Variants in EXD2 observed in about 807,000 individuals in gnomAD.
EXD2 encodes the protein exonuclease 3'-5' domain containing 2.
In EXD2, 40 loss-of-function variants were observed where a neutral mutation model predicts 62.5. That is an observed-to-expected ratio of 0.64 (90% CI 0.50 to 0.83). The LOEUF (loss-of-function observed/expected upper bound fraction) is 0.83, where lower values mean the gene tolerates loss of function less well. Ranked by LOEUF, EXD2 falls within the 40% of genes least tolerant of loss-of-function variation. The probability of loss-of-function intolerance (pLI) is 0.00; values close to 1 mark genes in which losing one functional copy is unlikely to be tolerated. For missense variants in EXD2, 671 were observed against 761.8 expected, an observed-to-expected ratio of 0.88 and a Z score of 1.40; for synonymous variants, 239 against 291.9, an observed-to-expected ratio of 0.82 and a Z score of 1.85.
At chr14:69,236,019 T>G in intron 6 of EXD2, 27 bp from the exon 7 acceptor site, 89 of 1,569,264 alleles carry the variant, frequency 5.7e-5, no homozygotes, top group Non-Finnish European at 7.5e-5. Context: ...GCTTCCGGTT[T>G]GAGATTTCTC....
At chr14:69,226,945 T>A (rs2043385468) in intron 3 of EXD2, among the ~76,000 whole-genome samples, 1 of 152,138 alleles carries the variant, frequency 6.6e-6, no homozygotes. Context: ...GAGCTTGTGT[T>A]TATGTGTATC....
chr14:69,230,208 C>T (rs1454098641), intron 4 of EXD2, among the ~76,000 whole-genome samples: 1 of 152,186 alleles, frequency 6.6e-6, no homozygotes, highest in Non-Finnish European at 1.5e-5. Context: ...AGTACTAAGC[C>T]TCTCTGTTCC....
At chr14:69,228,388 C>T (rs751686929) in intron 3 of EXD2, among the ~76,000 whole-genome samples, 3 of 152,186 alleles carry the variant, frequency 2.0e-5, no homozygotes, top group Non-Finnish European at 4.4e-5. Context: ...GACGGGGTTT[C>T]ACCATGTTGG....
In EXD2 at chr14:69,217,578, T is replaced by C. The variant is rs11846528; in HGVS notation, c.333+7775T>C. Among the ~76,000 whole-genome samples, 149 of 152,270 alleles carry C rather than the reference T, an allele frequency of 9.8e-4. 1 individual carries two copies. Among genetic ancestry groups the C allele is most frequent in the African/African-American group, 3.2e-3 (132 of 41,546 alleles). Reference sequence around the variant, plus strand: ...ATTATACTTTAAGTTATAGGGTACATGTACACAACATGCAGGTTTGTTACA... The same window carrying C: ...ATTATACTTTAAGTTATAGGGTACACGTACACAACATGCAGGTTTGTTACA... On this transcript the variant is annotated intron_variant, in intron 3 of 9. Transcript: ENST00000685843.
At chr14:69,217,389 C>T (rs1376884745) in intron 3 of EXD2, among the ~76,000 whole-genome samples, 4 of 152,076 alleles carry the variant, frequency 2.6e-5, no homozygotes, top group African/African-American at 9.7e-5. Flanking sequence ...TATGAGTGGG[C>T]TCATGCAGTA....
chr14:69,224,530 T>C (rs1566832144), intron 3 of EXD2, among the ~76,000 whole-genome samples: 1 of 152,188 alleles, frequency 6.6e-6, no homozygotes, highest in Non-Finnish European at 1.5e-5. Flanking sequence ...TTCAAGTATC[T>C]CTCACCTGGA....
At chr14:69,205,257 C>T (rs144482040) in intron 2 of EXD2, among the ~76,000 whole-genome samples, 39 of 152,190 alleles carry the variant, frequency 2.6e-4, no homozygotes, top group African/African-American at 9.1e-4. Context: ...CATTATGTTG[C>T]CCAGGTTGGT....
chr14:69,236,475 G>A lies in EXD2; in HGVS notation c.1225G>A (p.Gly409Arg), dbSNP rs755346202. The A allele has an allele frequency of 9.9e-6, 16 of 1,614,116 alleles. No individual in the cohort carries two copies. Among genetic ancestry groups the A allele is most frequent in the Non-Finnish European group, 1.1e-5 (13 of 1,180,022 alleles). ...FEPAGRPESP[G>R]DYYLMVKENL... ...ACCTGCAGGAAGGCCCGAATCTCCT[G>A]GAGACTATTACTTGATGGTTAAAGA... Residue 409 changes from glycine (G) to arginine (R), a missense_variant, in exon 8 of 10, where the codon GGA (glycine) becomes AGA (arginine). By Grantham distance (125) the Gly-to-Arg change is moderately radical (BLOSUM62 -2). Coordinates refer to ENST00000685843, the MANE Select transcript of EXD2 (RefSeq NM_001193360.2).
intron 3 of EXD2, among the ~76,000 whole-genome samples, chr14:69,211,857 A>T (rs947873744): frequency 1.3e-5 from 2 of 152,180 alleles, no homozygotes; most frequent in African/African-American, 4.8e-5. Flanking sequence ...TGATAATAAT[A>T]CACTTTAATT....
intron 5 of EXD2, among the ~76,000 whole-genome samples, chr14:69,233,639 C>G (rs2043666537): frequency 6.6e-6 from 1 of 151,894 alleles, no homozygotes; most frequent in Non-Finnish European, 1.5e-5. Context: ...TGGGGTTTCC[C>G]CATGTTGGCT....
intron 8 of EXD2, among the ~76,000 whole-genome samples, chr14:69,236,965 C>T (rs2043816019): frequency 6.6e-6 from 1 of 152,214 alleles, no homozygotes; most frequent in Non-Finnish European, 1.5e-5. Flanking sequence ...AGGGCCCCTG[C>T]ACTGTGAGGG....
intron 6 of EXD2, 102 bp downstream of exon 6, chr14:69,235,133 G>T: frequency 9.6e-7 from 1 of 1,045,992 alleles, no homozygotes; most frequent in Non-Finnish European, 1.3e-6. Context: ...TAGTAGGGGA[G>T]CAGCAGCTCT....
intron 3 of EXD2, among the ~76,000 whole-genome samples, chr14:69,214,505 C>CT (rs2042928383): frequency 6.6e-6 from 1 of 151,910 alleles, no homozygotes; most frequent in Non-Finnish European, 1.5e-5. Flanking sequence ...TTTTTTTAGA[C>CT]TTTTTTATTG....
rs149532915 is a variant in EXD2 at position 69,215,134 on chromosome 14, A to G, written c.333+5331A>G. Among the ~76,000 whole-genome samples, 1,087 of 152,234 alleles carry G rather than the reference A, an allele frequency of 7.1e-3. 14 individuals carry two copies. Among genetic ancestry groups the G allele is most frequent in the African/African-American group, 0.025 (1,037 of 41,522 alleles). On this transcript the variant is annotated intron_variant, in intron 3 of 9. Coordinates refer to ENST00000685843, the MANE Select transcript of EXD2 (RefSeq NM_001193360.2). The stretch of plus-strand genomic sequence containing the variant: ...GAAACCCCGTCTCTACTAAAAATAC[A>G]AAAATTAGCCAGGTGTGGTGATGCA...
At chr14:69,192,544 G>T (rs1018734238) in intron 1 of EXD2, among the ~76,000 whole-genome samples, 1 of 152,020 alleles carries the variant, frequency 6.6e-6, no homozygotes, top group Non-Finnish European at 1.5e-5. Context: ...TGAGGGTGGG[G>T]AGTGTGGAAG....
chr14:69,210,981 A>G (rs2042786033), intron 3 of EXD2, among the ~76,000 whole-genome samples: 1 of 152,106 alleles, frequency 6.6e-6, no homozygotes, highest in African/African-American at 2.4e-5. Context: ...CTTGATATTG[A>G]TGGCTGCTGA....
In EXD2 at chr14:69,236,524, A is replaced by G. The variant is rs745396157; in HGVS notation, c.1274A>G (p.Lys425Arg). ...GAGAACCTGTGTGTAGTGTGTGGCA[A>G]GAGAGACTCCTACATTCGGTGAGTG... ...VKENLCVVCG[K>R]RDSYIRKNVI... The change falls in exon 8 of 10, where the codon AAG (lysine) becomes AGG (arginine). Residue 425 changes from lysine to arginine, a missense_variant. Physicochemically the swap from Lys to Arg is conservative, Grantham distance 26. Coordinates refer to ENST00000685843, the MANE Select transcript of EXD2 (RefSeq NM_001193360.2). 1 of 1,614,174 alleles carries G rather than the reference A, an allele frequency of 6.2e-7. No homozygotes were observed. Among genetic ancestry groups the G allele is most frequent in the Non-Finnish European group, 8.5e-7 (1 of 1,180,016 alleles).
In EXD2 at chr14:69,237,729, G is replaced by A; in HGVS notation, c.1447G>A (p.Ala483Thr). The stretch of plus-strand genomic sequence containing the variant: ...GCAGCAGCTGGCCAAGGAGTTCCAG[G>A]CCCCCATCGGCTCTGAGGAGGGCTT... Reference protein sequence around the residue: ...LKQQLAKEFQAPIGSEEGLRL... With the variant: ...LKQQLAKEFQTPIGSEEGLRL... Residue 483 changes from alanine to threonine, a missense_variant, in exon 9 of 10, where the codon GCC becomes ACC. By Grantham distance (58) the Ala-to-Thr change is moderately conservative. Coordinates refer to ENST00000685843, the MANE Select transcript of EXD2 (RefSeq NM_001193360.2). 1 of 1,614,040 alleles carries A rather than the reference G, an allele frequency of 6.2e-7. No individual in the cohort carries two copies. Among genetic ancestry groups the A allele is most frequent in the South Asian group, 1.1e-5 (1 of 91,040 alleles).
chr14:69,241,199 T>G lies in EXD2; in HGVS notation c.*99T>G, dbSNP rs1192597699. On this transcript the variant is annotated 3_prime_UTR_variant, in exon 10 of 10. Coordinates refer to ENST00000685843, the MANE Select transcript of EXD2 (RefSeq NM_001193360.2). ...GTACATCATTAATTGTCAAAGCCTG[T>G]GTGACACAACTCAGAATACTAACCT... The G allele has an allele frequency of 1.0e-6, 1 of 968,688 alleles. No individual in the cohort carries two copies. Among genetic ancestry groups the G allele is most frequent in the Non-Finnish European group, 1.5e-6 (1 of 652,612 alleles). 60.0% of individuals were successfully genotyped at this position (968,688 alleles called of 1,614,324 possible).
Sources: gnomAD v4.1 joint callset for allele counts (sites outside exome capture counted in the v4.1 genomes callset) on GRCh38, gnomAD v4.1.1 for gene constraint, MANE v1.5 for transcripts, NCBI Gene and HGNC (gene_info 2026-07-23, HGNC 2026-07-21) for gene names.